The following ZNF93 variants were observed in gnomAD, a reference collection of about 807,000 sequenced individuals.
ZNF93 encodes the protein zinc finger protein 93.
A neutral mutation model predicts 45.0 loss-of-function variants in ZNF93; 29 were observed. That is an observed-to-expected ratio of 0.64 (90% confidence interval 0.48 to 0.88). The LOEUF is 0.88. ZNF93 is among the 40% of genes least tolerant of loss of function. ZNF93 has a pLI of 0.00. For missense variants in ZNF93, 578 were observed against 724.0 expected (o/e 0.80, Z 2.31); for synonymous variants, 223 against 244.6 (o/e 0.91, Z 0.82).
intron 1 of ZNF93, among the ~76,000 whole-genome samples, chr19:19,913,624 T>C (rs562870854): frequency 1.3e-5 from 2 of 152,284 alleles, no homozygotes; most frequent in East Asian, 3.9e-4. Context: ...TATTTTTATC[T>C]TCATGGAGCA....
chr19:19,911,851 G>T (rs2063309499), intron 1 of ZNF93, among the ~76,000 whole-genome samples: 2 of 151,992 alleles, frequency 1.3e-5, no homozygotes, highest in African/African-American at 4.8e-5. Flanking sequence ...CCGGGTTCAG[G>T]TGACTTTCCC....
At chr19:19,926,326 G>A (rs1012554728) in intron 3 of ZNF93, 12 of 150,746 alleles carry the variant, frequency 8.0e-5, no homozygotes, top group African/African-American at 2.9e-4. Flanking sequence ...TGATCCACTC[G>A]CCTTGGCCTC....
In ZNF93 at chr19:19,933,250, A is replaced by C; in HGVS notation, c.295A>C (p.Ile99Leu). The change falls in exon 4 of 4, where the codon ATA (isoleucine) becomes CTA (leucine). Residue 99 changes from isoleucine (I) to leucine (L), a missense_variant. By Grantham distance (5) the Ile-to-Leu change is conservative (BLOSUM62 2). Coordinates refer to ENST00000343769, the MANE Select transcript of ZNF93 (RefSeq NM_031218.4). Reference protein sequence around the residue: ...QNIKDSFQKVILRRYEKRGHG... With the variant: ...QNIKDSFQKVLLRRYEKRGHG... The stretch of plus-strand genomic sequence containing the variant: ...CATAAAAGATTCTTTCCAAAAAGTG[A>C]TACTGAGAAGATATGAAAAACGTGG... 1 of 1,609,718 alleles carries C rather than the reference A, an allele frequency of 6.2e-7. No homozygotes were observed. The highest frequency in any genetic ancestry group is 8.5e-7 in the Non-Finnish European group (1 of 1,178,088).
intron 3 of ZNF93, among the ~76,000 whole-genome samples, chr19:19,922,422 T>G (rs1247380956): frequency 2.6e-5 from 4 of 152,138 alleles, no homozygotes; most frequent in Non-Finnish European, 4.4e-5. Context: ...TGTCTTGGAG[T>G]TGCTCTTCTT....
chr19:19,917,638 G>T (rs752400602), intron 3 of ZNF93, among the ~76,000 whole-genome samples: 4 of 151,646 alleles, frequency 2.6e-5, no homozygotes, highest in Non-Finnish European at 5.9e-5. Flanking sequence ...GCCCAGGTTG[G>T]AGTGCAGTGG....
At position 19,933,358 on chromosome 19, in the gene ZNF93, C is replaced by T. The variant is rs1890836796; in HGVS notation, c.403C>T (p.Gln135Ter). ...CACAGGAGGTTATAATGGACTTAAC[C>T]AGTGTAGTACAACTACCCAGAGCAA... Reference protein sequence around the residue: ...VHTGGYNGLNQCSTTTQSKVF... With the variant: ...VHTGGYNGLN The change falls in exon 4 of 4, where the codon CAG becomes TAG. Residue 135 changes from glutamine (Q) to a stop codon, truncating the protein, a stop_gained. Transcript: ENST00000343769. LOFTEE classifies it high-confidence loss of function. The T allele has an allele frequency of 2.5e-6, 4 of 1,606,032 alleles. No individual in the cohort carries two copies. The highest frequency in any genetic ancestry group is 1.1e-5 in the South Asian group (1 of 89,566).
chr19:19,900,951 T>C lies in ZNF93; in HGVS notation c.-138T>C. 1.4e-6 allele frequency: 2 copies of C among 1,445,240 alleles called. No individual in the cohort carries two copies. Among genetic ancestry groups the C allele is most frequent in the African/African-American group, 1.4e-5 (1 of 70,660 alleles). The allele number at this position is 1,445,240 out of a possible 1,614,324, so 89.5% of individuals were successfully genotyped here. On this transcript the variant is annotated 5_prime_UTR_variant, in exon 1 of 4. Transcript: ENST00000343769. Reference sequence around the variant, plus strand: ...TCTGGTTTGGCGGGTCCTTTGTCTCTCGGTGCAGCCGGAGCTCCAGGTCTC... The same window carrying C: ...TCTGGTTTGGCGGGTCCTTTGTCTCCCGGTGCAGCCGGAGCTCCAGGTCTC...
chr19:19,920,530 C>T lies in ZNF93; in HGVS notation c.226+3875C>T, dbSNP rs541142842. ...ATAGTTCCAGAAGGAATGGTACCGGCTCCTCCTTGTACCTCTGGTAGAATT... is the reference window on the plus strand; with the variant it reads ...ATAGTTCCAGAAGGAATGGTACCGGTTCCTCCTTGTACCTCTGGTAGAATT... On this transcript the variant is annotated intron_variant, in intron 3 of 3. Transcript: ENST00000343769. 2.1e-3 allele frequency among the ~76,000 whole-genome samples: 321 copies of T among 152,300 alleles called. 1 individual carries two copies. Among genetic ancestry groups the T allele is most frequent in the South Asian group, 5.0e-3 (24 of 4,820 alleles).
At chr19:19,910,919 T>C (rs1405079981) in intron 1 of ZNF93, among the ~76,000 whole-genome samples, 1 of 152,156 alleles carries the variant, frequency 6.6e-6, no homozygotes, top group Non-Finnish European at 1.5e-5. Flanking sequence ...CAGCCCCCAT[T>C]TGGGAGTGTG....
chr19:19,919,479 A>G (rs1014078442), intron 3 of ZNF93, among the ~76,000 whole-genome samples: 5 of 152,072 alleles, frequency 3.3e-5, no homozygotes, highest in African/African-American at 2.4e-5. Flanking sequence ...GTTTTTTCCA[A>G]TTCTGTGAAG....
chr19:19,930,330 A>C (rs1007017307), intron 3 of ZNF93, among the ~76,000 whole-genome samples: 7 of 152,220 alleles, frequency 4.6e-5, no homozygotes, highest in African/African-American at 1.2e-4. Flanking sequence ...GGAACCTGAA[A>C]GCAGACTAGG....
In ZNF93 at chr19:19,917,647, G is replaced by C. The variant is rs184778104; in HGVS notation, c.226+992G>C. ...CTTGTTGCCCAGGTTGGAGTGCAGT[G>C]GCACGATCTCAGCTCACCACCACCA... On this transcript the variant is annotated intron_variant, in intron 3 of 3. Coordinates refer to ENST00000343769, the MANE Select transcript of ZNF93 (RefSeq NM_031218.4). 2.3e-4 allele frequency among the ~76,000 whole-genome samples: 35 copies of C among 152,024 alleles called. No individual in the cohort carries two copies. The East Asian group carries it at 6.0e-3, about 26-fold the overall frequency.
Position 19,931,169 on chromosome 19 carries a change from GTATT to G in ZNF93, c.227-1995_227-1992del, listed in dbSNP as rs71340308. Among the ~76,000 whole-genome samples the G allele has an allele frequency of 2.6e-3, 388 of 148,854 alleles. 1 individual carries two copies. The highest frequency in any genetic ancestry group is 3.7e-3 in the Non-Finnish European group (252 of 67,264). ...TTTATTTATATATATATTTATATTT[GTATT>G]TATTTATTTATTTATTTTATTTGGT... On this transcript the variant is annotated intron_variant, in intron 3 of 3. Transcript: ENST00000343769.
At chr19:19,931,444 G>C (rs1599574123) in intron 3 of ZNF93, among the ~76,000 whole-genome samples, 1 of 152,252 alleles carries the variant, frequency 6.6e-6, no homozygotes, top group Non-Finnish European at 1.5e-5. Flanking sequence ...GCCTGCCTCA[G>C]CCTCCCAAAG....
intron 1 of ZNF93, among the ~76,000 whole-genome samples, chr19:19,913,173 C>A (rs115456634): frequency 7.0e-4 from 107 of 152,274 alleles, no homozygotes; most frequent in African/African-American, 2.5e-3. Context: ...ATTCATAAAC[C>A]CTCTTCAAAC....
At chr19:19,910,532 G>A (rs1403137848) in intron 1 of ZNF93, among the ~76,000 whole-genome samples, 2 of 151,974 alleles carry the variant, frequency 1.3e-5, no homozygotes, top group East Asian at 1.9e-4. Flanking sequence ...TTTACAAATT[G>A]TCTTGTAACT....
chr19:19,933,265 G>C lies in ZNF93; in HGVS notation c.310G>C (p.Glu104Gln), dbSNP rs755085058. The C allele has an allele frequency of 1.1e-5, 17 of 1,611,622 alleles. No homozygotes were observed. Among genetic ancestry groups the C allele is most frequent in the Non-Finnish European group, 1.4e-5 (16 of 1,178,834 alleles). Reference protein sequence around the residue: ...SFQKVILRRYEKRGHGNLQLI... With the variant: ...SFQKVILRRYQKRGHGNLQLI... ...CCAAAAAGTGATACTGAGAAGATAT[G>C]AAAAACGTGGACATGGAAATTTACA... Residue 104 changes from glutamate (E) to glutamine (Q), a missense_variant, in exon 4 of 4, where the codon GAA (glutamate) becomes CAA (glutamine). Physicochemically the swap from Glu to Gln is conservative, Grantham distance 29 (BLOSUM62 2). This residue lies in a region of ZNF93 where 446 missense variants were observed against 547.6 expected (regional missense o/e 0.81). Coordinates refer to ENST00000343769, the MANE Select transcript of ZNF93 (RefSeq NM_031218.4).
intron 3 of ZNF93, among the ~76,000 whole-genome samples, chr19:19,923,148 T>A (rs988994309): frequency 7.2e-5 from 11 of 152,220 alleles, no homozygotes; most frequent in Non-Finnish European, 1.5e-5. Flanking sequence ...GTTTTCCTTC[T>A]AACAGTCAGG....
At position 19,934,929 on chromosome 19, in the gene ZNF93, C is replaced by G; in HGVS notation, c.*111C>G. On this transcript the variant is annotated 3_prime_UTR_variant, in exon 4 of 4. Coordinates refer to ENST00000343769, the MANE Select transcript of ZNF93 (RefSeq NM_031218.4). ...CAAACTCCTCCCAGGCACAGTCTGG[C>G]AGAGGTCCTGCCATTTCGGAGACCT... is the stretch of plus-strand genomic sequence containing the variant. 6.5e-6 allele frequency: 8 copies of G among 1,224,900 alleles called. No homozygotes were observed. Among genetic ancestry groups the G allele is most frequent in the Non-Finnish European group, 9.0e-6 (8 of 892,008 alleles). 75.9% of individuals were successfully genotyped at this position (1,224,900 alleles called of 1,614,324 possible).
Sources: gnomAD v4.1 joint callset for allele counts (sites outside exome capture counted in the v4.1 genomes callset) on GRCh38, gnomAD v4.1.1 for gene constraint, gnomAD v4.1.1 regional missense constraint, MANE v1.5 for transcripts, NCBI Gene and HGNC (gene_info 2026-07-23, HGNC 2026-07-21) for gene names.